ANKRD11: variants seen among roughly 807,000 people sequenced by gnomAD.
ANKRD11 encodes ankyrin repeat domain 11.
A neutral mutation model predicts 195.7 loss-of-function variants in ANKRD11; 17 were observed. The observed-to-expected ratio is 0.09, with a 90% CI of 0.06 to 0.13. The LOEUF (loss-of-function observed/expected upper bound fraction) is 0.13, where lower values mean the gene tolerates loss of function less well. Ranked by LOEUF, ANKRD11 falls within the 10% of genes least tolerant of loss-of-function variation. The pLI, the probability that ANKRD11 is intolerant of heterozygous loss-of-function variation, is 1.00. For synonymous variants in ANKRD11, 1,953 were observed against 1,528.1 expected (o/e 1.28, Z -6.49); for missense variants, 3,735 against 3,566.1 (o/e 1.05, Z -1.21).
intron 4 of ANKRD11, among the ~76,000 whole-genome samples, chr16:89,303,743 G>A (rs1192515220): frequency 6.6e-6 from 1 of 152,232 alleles, no homozygotes; most frequent in East Asian, 1.9e-4. Flanking sequence ...AGGGGCCACA[G>A]GCCTGCGGCA....
At chr16:89,364,067 A>AACACACAC (rs58145428) in intron 2 of ANKRD11, among the ~76,000 whole-genome samples, 44 of 150,536 alleles carry the variant, frequency 2.9e-4, no homozygotes, top group Non-Finnish European at 5.5e-4. Flanking sequence ...GCTGATTTAA[A>AACACACAC]ACACACACAC....
At chr16:89,304,366 G>A (rs980824516) in intron 4 of ANKRD11, among the ~76,000 whole-genome samples, 10 of 142,650 alleles carry the variant, frequency 7.0e-5, no homozygotes, top group African/African-American at 1.6e-4. Flanking sequence ...ACACAGGCAT[G>A]CACATGCACA....
intron 7 of ANKRD11, 41 bp from the exon 8 acceptor site, chr16:89,286,227 G>C (rs747709048): frequency 1.2e-6 from 2 of 1,607,126 alleles, no homozygotes; most frequent in Non-Finnish European, 1.7e-6. Context: ...TGCTGGAGAA[G>C]CACAACTCCT....
intron 2 of ANKRD11, among the ~76,000 whole-genome samples, chr16:89,356,546 C>T (rs1260526807): frequency 2.0e-5 from 3 of 149,572 alleles, no homozygotes; most frequent in South Asian, 2.1e-4. Context: ...CCGAGGCGGG[C>T]GGATCACGAG....
At position 89,279,523 on chromosome 16, in the gene ANKRD11, C is replaced by T. The variant is rs2033980437; in HGVS notation, c.7019G>A (p.Arg2340Gln). ...GCTCTGGTTCGCGAGCATCTGCGCC[C>T]GGTTCCTGGTCATGCGCTGAGGGAT... is the stretch of plus-strand genomic sequence containing the variant. ...EEIPQRMTRN[R>Q]AQMLANQSKQ... Residue 2340 changes from arginine to glutamine, a missense_variant, in exon 9 of 13, where the codon CGG becomes CAG. Coordinates refer to ENST00000301030, the MANE Select transcript of ANKRD11 (RefSeq NM_013275.6). The surrounding 1 kb of genome is among the most constrained non-coding windows in gnomAD (Gnocchi z 5.6). The T allele has an allele frequency of 1.4e-6, 2 of 1,385,374 alleles. No homozygotes were observed. Among genetic ancestry groups the T allele is most frequent in the South Asian group, 1.3e-5 (1 of 77,812 alleles). The allele number at this position is 1,385,374 out of a possible 1,614,324, so 85.8% of individuals were successfully genotyped here.
At chr16:89,425,523 C>T (rs2042681134) in intron 1 of ANKRD11, among the ~76,000 whole-genome samples, 1 of 152,152 alleles carries the variant, frequency 6.6e-6, no homozygotes, top group Non-Finnish European at 1.5e-5. Context: ...TGCCAGGAGC[C>T]CCACAATCCC....
chr16:89,460,452 A>C (rs1221257884), intron 1 of ANKRD11, among the ~76,000 whole-genome samples: 4 of 151,910 alleles, frequency 2.6e-5, no homozygotes, highest in African/African-American at 9.7e-5. Flanking sequence ...CCAGCTACTC[A>C]GGAGGCTGAA....
intron 12 of ANKRD11, among the ~76,000 whole-genome samples, chr16:89,269,543 G>A (rs1024308204): frequency 5.3e-5 from 8 of 151,248 alleles, no homozygotes; most frequent in South Asian, 2.1e-4. Flanking sequence ...TCCAAACTCC[G>A]GTGAGTCACT....
chr16:89,451,716 C>T (rs904751464), intron 1 of ANKRD11, among the ~76,000 whole-genome samples: 2 of 151,792 alleles, frequency 1.3e-5, no homozygotes, highest in African/African-American at 4.8e-5. Flanking sequence ...CGCACCTGGC[C>T]CATTTCACAA....
At chr16:89,463,292 A>G (rs1437815879) in intron 1 of ANKRD11, among the ~76,000 whole-genome samples, 2 of 152,246 alleles carry the variant, frequency 1.3e-5, no homozygotes, top group African/African-American at 4.8e-5. Context: ...TGTAGAAAGA[A>G]GTAGACATGG....
intron 2 of ANKRD11, among the ~76,000 whole-genome samples, chr16:89,372,086 A>C (rs376698159): frequency 1.3e-5 from 2 of 152,244 alleles, no homozygotes; most frequent in South Asian, 4.1e-4. Context: ...AGGAACCACA[A>C]GGACCACCAC....
intron 2 of ANKRD11, among the ~76,000 whole-genome samples, chr16:89,366,044 C>G (rs114122978): frequency 0.03 from 4,430 of 149,768 alleles, 155 homozygotes; most frequent in African/African-American, 0.076. Context: ...ATGATCTGAT[C>G]ACTTGAACCT....
chr16:89,329,087 G>C (rs548633581), intron 2 of ANKRD11: 2 of 153,288 alleles, frequency 1.3e-5, no homozygotes, highest in African/African-American at 4.8e-5. Context: ...TGCTGAGTGA[G>C]TGCACAAAGC....
In ANKRD11 at chr16:89,284,712, G is replaced by A. The variant is rs573343438; in HGVS notation, c.1830C>T (p.Pro610=). The change falls in exon 9 of 13, where the codon CCC becomes CCT. Residue 610 remains proline, a synonymous_variant. Coordinates refer to ENST00000301030, the MANE Select transcript of ANKRD11 (RefSeq NM_013275.6). ...KRASLSEKKS[P]FLSSAEGAVP... ...CAGCGCCCTCCGCGCTGGACAGGAA[G>A]GGGCTCTTCTTCTCCGACAGGGAGG... 6.2e-7 allele frequency: 1 copy of A among 1,613,932 alleles called. No homozygotes were observed. Among genetic ancestry groups the A allele is most frequent in the Non-Finnish European group, 8.5e-7 (1 of 1,180,008 alleles).
intron 2 of ANKRD11, among the ~76,000 whole-genome samples, chr16:89,362,583 C>T (rs1248808224): frequency 1.3e-5 from 2 of 152,196 alleles, no homozygotes; most frequent in African/African-American, 2.4e-5. Context: ...GACTTTCCTC[C>T]CCATCTAATT....
chr16:89,408,624 A>G (rs1038816396), intron 2 of ANKRD11, among the ~76,000 whole-genome samples: 3 of 152,120 alleles, frequency 2.0e-5, no homozygotes, highest in Non-Finnish European at 4.4e-5. Context: ...AAGACGTCCC[A>G]GCCGTGCCCA....
chr16:89,363,758 C>T (rs2039830618), intron 2 of ANKRD11, among the ~76,000 whole-genome samples: 1 of 152,180 alleles, frequency 6.6e-6, no homozygotes. Context: ...AGGTTCCAGT[C>T]AGGAAGTGGA....
At chr16:89,449,445 AT>A (rs200182063) in intron 1 of ANKRD11, among the ~76,000 whole-genome samples, 9 of 150,250 alleles carry the variant, frequency 6.0e-5, no homozygotes, top group South Asian at 4.2e-4. Context: ...GAAATGCGTT[AT>A]TTTTTTTTTA....
At chr16:89,332,506 C>T (rs772334081) in intron 2 of ANKRD11, among the ~76,000 whole-genome samples, 11 of 152,238 alleles carry the variant, frequency 7.2e-5, no homozygotes, top group Non-Finnish European at 1.6e-4. Flanking sequence ...TGCAAGAAAA[C>T]AGCCTCGTCT....
Sources: allele counts gnomAD v4.1 joint callset (sites outside exome capture counted in the v4.1 genomes callset), GRCh38; gene constraint gnomAD v4.1.1; non-coding constraint Gnocchi (gnomAD v3.1); transcripts MANE v1.5; gene names NCBI Gene and HGNC (gene_info 2026-07-23, HGNC 2026-07-21).